WNT5B: variants seen among roughly 807,000 people sequenced by gnomAD.
WNT5B encodes the protein Wnt family member 5B.
In WNT5B, 18 loss-of-function variants were observed where a neutral mutation model predicts 36.5. The ratio of observed to expected loss-of-function variants is 0.49; its 90% CI spans 0.34 to 0.73. The LOEUF is 0.73. Among genes scored for constraint, WNT5B ranks in the 30% least tolerant of loss-of-function variants. The pLI, the probability that WNT5B is intolerant of heterozygous loss-of-function variation, is 0.01. For synonymous variants in WNT5B, 213 were observed against 212.3 expected (o/e 1.00, Z -0.03); for missense variants, 424 against 508.4 (o/e 0.83, Z 1.60).
upstream of WNT5B, among the ~76,000 whole-genome samples, chr12:1,624,662 C>A (rs1353362729): frequency 6.6e-6 from 1 of 152,144 alleles, no homozygotes; most frequent in African/African-American, 2.4e-5. Flanking sequence ...TTAATACTAG[C>A]TATTGTCACT....
At position 1,632,611 on chromosome 12, in the gene WNT5B, T is replaced by C. The variant is rs772113013; in HGVS notation, c.81-47T>C. On this transcript the variant is annotated intron_variant, in intron 2 of 4. Transcript: ENST00000397196. This position sits in a 1 kb window ranked among gnomAD's most constrained non-coding sequence, Gnocchi z 5.8. Reference sequence around the variant, plus strand: ...TGACTTAATGCTGCACACAGGCGTATGCTCACTCCTGGGCCTTTTTTTCCC... The same window carrying C: ...TGACTTAATGCTGCACACAGGCGTACGCTCACTCCTGGGCCTTTTTTTCCC... 6.4e-6 allele frequency: 10 copies of C among 1,563,086 alleles called. No homozygotes were observed. Among genetic ancestry groups the C allele is most frequent in the Non-Finnish European group, 8.7e-6 (10 of 1,148,060 alleles).
intron 4 of WNT5B, among the ~76,000 whole-genome samples, chr12:1,642,176 G>A (rs1046916213): frequency 3.3e-5 from 5 of 152,216 alleles, no homozygotes; most frequent in Admixed American, 2.0e-4. Context: ...TGCTCAGGGC[G>A]TGTGTGGAGC....
upstream of WNT5B, among the ~76,000 whole-genome samples, chr12:1,624,721 G>A (rs1384017187): frequency 1.3e-5 from 2 of 152,152 alleles, no homozygotes; most frequent in Admixed American, 6.6e-5. Context: ...ACCATACTGG[G>A]CGCAAAGGGG....
At chr12:1,640,333 C>T (rs2094572589) in intron 4 of WNT5B, among the ~76,000 whole-genome samples, 1 of 152,176 alleles carries the variant, frequency 6.6e-6, no homozygotes, top group Non-Finnish European at 1.5e-5. Flanking sequence ...ATAGATAATG[C>T]GATGGGATGT....
At chr12:1,640,328 T>C (rs1047967976) in intron 4 of WNT5B, among the ~76,000 whole-genome samples, 10 of 152,222 alleles carry the variant, frequency 6.6e-5, no homozygotes, top group Admixed American at 5.2e-4. Context: ...CTTGAATAGA[T>C]AATGCGATGG....
intron 3 of WNT5B, among the ~76,000 whole-genome samples, chr12:1,638,162 C>T (rs1592532302): frequency 1.3e-5 from 2 of 152,094 alleles, no homozygotes; most frequent in Non-Finnish European, 2.9e-5. Flanking sequence ...AGGAGAATGG[C>T]GTGAACCCGT....
In WNT5B at chr12:1,645,995, C is replaced by A; in HGVS notation, c.823C>A (p.Pro275Thr). ...LVNSRFTQPT[P>T]EDLVYVDPSP... ...CAACAGCCGCTTCACCCAGCCCACCCCGGAGGACCTGGTCTATGTGGACCC... is the reference window on the plus strand; with the variant it reads ...CAACAGCCGCTTCACCCAGCCCACCACGGAGGACCTGGTCTATGTGGACCC... The change falls in exon 5 of 5, where the codon CCG becomes ACG. Residue 275 changes from proline to threonine, a missense_variant. Pro to Thr is a conservative substitution (Grantham distance 38, BLOSUM62 -1). Coordinates refer to ENST00000397196, the MANE Select transcript of WNT5B (RefSeq NM_032642.3). 1 of 1,611,898 alleles carries A rather than the reference C, an allele frequency of 6.2e-7. No homozygotes were observed. The highest frequency in any genetic ancestry group is 8.5e-7 in the Non-Finnish European group (1 of 1,179,886).
intron 1 of WNT5B, among the ~76,000 whole-genome samples, chr12:1,620,609 G>A (rs2094532415): frequency 6.6e-6 from 1 of 151,612 alleles, no homozygotes; most frequent in Non-Finnish European, 1.5e-5. Flanking sequence ...CGCGACCTTG[G>A]CTTACTGCAA....
intron 3 of WNT5B, among the ~76,000 whole-genome samples, chr12:1,639,150 T>G (rs1365530394): frequency 1.3e-5 from 2 of 151,988 alleles, no homozygotes; most frequent in East Asian, 1.9e-4. Context: ...TTTTTTTCTT[T>G]TTTTTGAGAC....
Position 1,646,332 on chromosome 12 carries a change from A to G in WNT5B, c.*80A>G, listed in dbSNP as rs1242699619. The G allele has an allele frequency of 8.4e-7, 1 of 1,190,916 alleles. No homozygotes were observed. 73.8% of individuals were successfully genotyped at this position (1,190,916 alleles called of 1,614,324 possible). A position where few individuals can be genotyped will look rare whatever the true frequency, so the allele number is the denominator to read the frequency against. On this transcript the variant is annotated 3_prime_UTR_variant, in exon 5 of 5. Coordinates refer to ENST00000397196, the MANE Select transcript of WNT5B (RefSeq NM_032642.3). ...ATATAAATCTATATAAATCTATTTTATATTTGTATAAGTAAATGGGTGGGT... is the reference window on the plus strand; with the variant it reads ...ATATAAATCTATATAAATCTATTTTGTATTTGTATAAGTAAATGGGTGGGT...
rs755673370 is a variant in WNT5B, at chr12:1,622,199, T to C, written c.-58+5056T>C. On this transcript the variant is annotated intron_variant, in intron 1 of 4. Transcript: ENST00000310594. ...GATCTCGGCTCACTGCAAGCTCCGC[T>C]TCCCGGGTTCACGCCATTCTCCTGC... 1.2e-3 allele frequency among the ~76,000 whole-genome samples: 183 copies of C among 150,504 alleles called. 1 individual carries two copies. The highest frequency in any genetic ancestry group is 2.8e-3 in the East Asian group (14 of 5,066).
intron 1 of WNT5B, among the ~76,000 whole-genome samples, chr12:1,620,088 C>T (rs1047095547): frequency 7.9e-5 from 12 of 152,060 alleles, no homozygotes; most frequent in Non-Finnish European, 5.9e-5. Context: ...AAATTGCATA[C>T]AGCATAATAC....
Position 1,630,087 on chromosome 12 carries a change from C to A in WNT5B, c.-58+716C>A. ...TCCTGGACCCTGCTCGGGCCACTGTCCTCTCCTGGCGGCCCCAGGACAAAA... is the reference window on the plus strand; with the variant it reads ...TCCTGGACCCTGCTCGGGCCACTGTACTCTCCTGGCGGCCCCAGGACAAAA... On this transcript the variant is annotated intron_variant, in intron 1 of 4. Coordinates refer to ENST00000397196, the MANE Select transcript of WNT5B (RefSeq NM_032642.3). The surrounding 1 kb of genome is among the most constrained non-coding windows in gnomAD (Gnocchi z 5.3). 3 of 972,642 alleles carry A rather than the reference C, an allele frequency of 3.1e-6. No homozygotes were observed. Among genetic ancestry groups the A allele is most frequent in the Non-Finnish European group, 2.4e-6 (2 of 818,204 alleles). The allele number at this position is 972,642 out of a possible 1,614,324, so 60.3% of individuals were successfully genotyped here.
upstream of WNT5B, chr12:1,629,151 T>C (rs1388821838): frequency 6.6e-6 from 1 of 152,086 alleles, no homozygotes; most frequent in Non-Finnish European, 1.5e-5. Context: ...TCTCCATATA[T>C]GTTTATAAGG....
At chr12:1,627,083 T>C (rs1404865806), upstream of WNT5B, among the ~76,000 whole-genome samples, 1 of 152,142 alleles carries the variant, frequency 6.6e-6, no homozygotes, top group Non-Finnish European at 1.5e-5. The surrounding 1 kb of genome is among the most constrained non-coding windows in gnomAD (Gnocchi z 5.0). Flanking sequence ...GCCACACTAT[T>C]CCATGGCACA....
At chr12:1,629,726 C>T (rs1377923832) in intron 1 of WNT5B, among the ~76,000 whole-genome samples, 1 of 151,972 alleles carries the variant, frequency 6.6e-6, no homozygotes, top group East Asian at 1.9e-4. Flanking sequence ...TGGTGCCAGC[C>T]CTATCTCTGC....
intron 4 of WNT5B, among the ~76,000 whole-genome samples, chr12:1,642,619 GCTGCGCTGTGGTGT>G (rs928898725): frequency 6.6e-6 from 1 of 152,194 alleles, no homozygotes; most frequent in African/African-American, 2.4e-5. Flanking sequence ...GCTCTGCTGA[GCTGCGCTGTGGTGT>G]CTGCACGTGC....
At chr12:1,623,184 G>GTT (rs1555156800) in intron 1 of WNT5B, among the ~76,000 whole-genome samples, 6 of 53,484 alleles carry the variant, frequency 1.1e-4, no homozygotes, top group African/African-American at 3.7e-4. Flanking sequence ...AGGGTTTTTT[G>GTT]TTGTTTTTTT....
In WNT5B at chr12:1,630,543, C is replaced by T. The variant is rs901381552; in HGVS notation, c.-57-755C>T. 1.3e-5 allele frequency among the ~76,000 whole-genome samples: 2 copies of T among 152,176 alleles called. No homozygotes were observed. The highest frequency in any genetic ancestry group is 4.8e-5 in the African/African-American group (2 of 41,436). On this transcript the variant is annotated intron_variant, in intron 1 of 4. Coordinates refer to ENST00000397196, the MANE Select transcript of WNT5B (RefSeq NM_032642.3). The surrounding 1 kb of genome is among the most constrained non-coding windows in gnomAD (Gnocchi z 5.3). Reference sequence around the variant, plus strand: ...TGCCGCCTGGCGTCGGCAGTGTCCCCGGTGCAGCTGCTGGGCAAGGTACTC... The same window carrying T: ...TGCCGCCTGGCGTCGGCAGTGTCCCTGGTGCAGCTGCTGGGCAAGGTACTC...
Sources: allele counts gnomAD v4.1 joint callset (sites outside exome capture counted in the v4.1 genomes callset), GRCh38; gene constraint gnomAD v4.1.1; non-coding constraint Gnocchi (gnomAD v3.1); transcripts MANE v1.5; gene names NCBI Gene and HGNC (gene_info 2026-07-23, HGNC 2026-07-21).